The following LMCD1 variants were observed in gnomAD, a reference collection of about 807,000 sequenced individuals.
The protein encoded by LMCD1 is LIM and cysteine rich domains 1.
In LMCD1, 32 loss-of-function variants were observed where a neutral mutation model predicts 42.7. That is an observed-to-expected ratio of 0.75 (90% CI 0.57 to 1.01). The LOEUF (loss-of-function observed/expected upper bound fraction) is 1.01. LMCD1 is among the 50% of genes least tolerant of loss of function. The pLI is 0.00. For synonymous variants in LMCD1, 178 were observed against 184.9 expected (o/e 0.96, Z 0.30); for missense variants, 458 against 483.1 (o/e 0.95, Z 0.49).
chr3:8,570,017 G>A lies in LMCD1; in HGVS notation c.*2419G>A. ...AAAAGGATAGGTTGCCTCTAAGTTG[G>A]CAAAGAGAGGAAGGACAATGGTTAA... On this transcript the variant is annotated 3_prime_UTR_variant, in exon 6 of 6. Transcript: ENST00000157600. 1 of 157,000 alleles carries A rather than the reference G, an allele frequency of 6.4e-6. No homozygotes were observed. Among genetic ancestry groups the A allele is most frequent in the Non-Finnish European group, 1.4e-5 (1 of 72,322 alleles). The allele number at this position is 157,000 out of a possible 1,614,324, so 9.7% of individuals were successfully genotyped here.
chr3:8,548,550 C>G lies in LMCD1; in HGVS notation c.388-18C>G. On this transcript the variant is annotated intron_variant, in intron 3 of 5. Transcript: ENST00000157600. ...CCCCATCCACATCATGTTGTCTCTT[C>G]CTCCTCCTCCTCCCTAGGGACTGCA... The G allele has an allele frequency of 5.2e-6, 8 of 1,532,644 alleles. No individual in the cohort carries two copies. Among genetic ancestry groups the G allele is most frequent in the Non-Finnish European group, 7.1e-6 (8 of 1,124,150 alleles). 94.9% of individuals were successfully genotyped at this position (1,532,644 alleles called of 1,614,324 possible).
At chr3:8,529,041 C>A (rs556889275) in intron 1 of LMCD1, among the ~76,000 whole-genome samples, 11 of 152,146 alleles carry the variant, frequency 7.2e-5, no homozygotes, top group Non-Finnish European at 1.3e-4. Flanking sequence ...GTGATGGTTT[C>A]TTTTAAACTC....
At chr3:8,540,330 T>A (rs1290244072) in intron 3 of LMCD1, among the ~76,000 whole-genome samples, 4 of 152,144 alleles carry the variant, frequency 2.6e-5, no homozygotes, top group African/African-American at 9.7e-5. Flanking sequence ...TTGTGGATAT[T>A]TGTTAAGTAT....
At chr3:8,538,900 G>T (rs1270145953) in intron 3 of LMCD1, among the ~76,000 whole-genome samples, 1 of 152,326 alleles carries the variant, frequency 6.6e-6, no homozygotes, top group South Asian at 2.1e-4. Flanking sequence ...GGCCAGAGAT[G>T]CTCTAAGTGT....
chr3:8,548,916 C>T lies in LMCD1; in HGVS notation c.723+13C>T. 6.7e-7 allele frequency: 1 copy of T among 1,491,422 alleles called. No individual in the cohort carries two copies. The highest frequency in any genetic ancestry group is 1.4e-5 in the South Asian group (1 of 71,122). The allele number at this position is 1,491,422 out of a possible 1,614,324, so 92.4% of individuals were successfully genotyped here. ...AGAAGTGGAATACGTAAGTTTCTCCCATGCTTCCAGCCAGGCTGAAACCAT... is the reference window on the plus strand; with the variant it reads ...AGAAGTGGAATACGTAAGTTTCTCCTATGCTTCCAGCCAGGCTGAAACCAT... On this transcript the variant is annotated intron_variant, in intron 4 of 5. Transcript: ENST00000157600.
intron 1 of LMCD1, among the ~76,000 whole-genome samples, chr3:8,521,633 A>G (rs1694207620): frequency 6.6e-6 from 1 of 152,176 alleles, no homozygotes; most frequent in African/African-American, 2.4e-5. Context: ...CTCTTTGTCT[A>G]TTTTTGATGG....
chr3:8,542,945 A>G (rs566975274), intron 3 of LMCD1, among the ~76,000 whole-genome samples: 5 of 152,320 alleles, frequency 3.3e-5, no homozygotes, highest in African/African-American at 4.8e-5. Context: ...CATCTCTTCA[A>G]CTGCTGAACA....
Position 8,548,662 on chromosome 3 carries a change from T to C in LMCD1, c.482T>C (p.Leu161Pro), listed in dbSNP as rs1192293695. ...FYRRRQLMHQ[L>P]PIYDQDPSRC... ...CGCCGCCGCCAGCTCATGCACCAGC[T>C]CCCCATCTATGACCAGGATCCCTCG... The change falls in exon 4 of 6, where the codon CTC becomes CCC. Residue 161 changes from leucine to proline, a missense_variant. By Grantham distance (98) the Leu-to-Pro change is moderately conservative. Transcript: ENST00000157600. 1.9e-6 allele frequency: 3 copies of C among 1,614,032 alleles called. No individual in the cohort carries two copies. Among genetic ancestry groups the C allele is most frequent in the Non-Finnish European group, 1.7e-6 (2 of 1,180,050 alleles).
At chr3:8,522,565 T>A (rs191210217) in intron 1 of LMCD1, among the ~76,000 whole-genome samples, 1 of 152,300 alleles carries the variant, frequency 6.6e-6, no homozygotes, top group East Asian at 1.9e-4. Context: ...CTACCATGCT[T>A]CACTCCAGCC....
intron 3 of LMCD1, among the ~76,000 whole-genome samples, chr3:8,541,426 G>A (rs1694624682): frequency 1.3e-5 from 2 of 152,196 alleles, no homozygotes; most frequent in East Asian, 3.9e-4. Flanking sequence ...GCAGGCGCCT[G>A]TAATCCCAGC....
rs541599385 is a variant in LMCD1 at position 8,556,534 on chromosome 3, GTT to G, written c.723+7632_723+7633del. Among the ~76,000 whole-genome samples, 8 of 152,284 alleles carry G rather than the reference GTT, an allele frequency of 5.3e-5. No individual in the cohort carries two copies. In the South Asian group the frequency reaches 1.7e-3, roughly 32 times the overall value. ...TGTCTAGTCACCTAGATGGTGAGTA[GTT>G]AATCCAGAACTAGGATCCAGACCTG... On this transcript the variant is annotated intron_variant, in intron 4 of 5. Transcript: ENST00000157600.
chr3:8,512,681 T>A (rs889082244), intron 1 of LMCD1, among the ~76,000 whole-genome samples: 8 of 152,234 alleles, frequency 5.3e-5, no homozygotes, highest in African/African-American at 1.9e-4. Flanking sequence ...CACATTTCCA[T>A]GAGCCCAGCC....
At chr3:8,565,733 G>A (rs1417618479) in intron 5 of LMCD1, 86 bp downstream of exon 5, 2 of 1,240,792 alleles carry the variant, frequency 1.6e-6, no homozygotes, top group African/African-American at 1.5e-5. Flanking sequence ...GCATGGCTTT[G>A]TGGATGATGT....
intron 4 of LMCD1, among the ~76,000 whole-genome samples, chr3:8,555,505 C>T (rs143925449): frequency 2.6e-4 from 39 of 152,324 alleles, no homozygotes; most frequent in African/African-American, 9.4e-4. Context: ...CCACCCCTGG[C>T]TCAGGCACCA....
intron 1 of LMCD1, among the ~76,000 whole-genome samples, chr3:8,502,561 T>A (rs1035006542): frequency 8.9e-6 from 1 of 112,080 alleles, no homozygotes; most frequent in African/African-American, 3.6e-5. Context: ...TTTGTGTGTT[T>A]CCCCCAATAC....
chr3:8,531,047 G>A (rs1338461554), intron 1 of LMCD1, among the ~76,000 whole-genome samples: 2 of 152,212 alleles, frequency 1.3e-5, no homozygotes, highest in Non-Finnish European at 2.9e-5. Context: ...ATGGAGTGAG[G>A]CATTATTGTG....
chr3:8,573,236 A>C lies in LMCD1; in HGVS notation c.*5638A>C, dbSNP rs1424031233. ...AATTACACATTTCTGAAGCCATTAC[A>C]CTTCCTAGTTTATTTGGATTTAAGT... On this transcript the variant is annotated 3_prime_UTR_variant, in exon 6 of 6. Coordinates refer to ENST00000157600, the MANE Select transcript of LMCD1 (RefSeq NM_014583.4). 1 of 152,152 alleles carries C rather than the reference A, an allele frequency of 6.6e-6. No homozygotes were observed. The highest frequency in any genetic ancestry group is 1.5e-5 in the Non-Finnish European group (1 of 68,038). The allele number at this position is 152,152 out of a possible 1,614,324, so 9.4% of individuals were successfully genotyped here. A position where few individuals can be genotyped will look rare whatever the true frequency, so the allele number is the denominator to read the frequency against.
rs552865767 is a variant in LMCD1, at chr3:8,514,657, A to G, written c.42+12677A>G. On this transcript the variant is annotated intron_variant, in intron 1 of 5. Transcript: ENST00000157600. ...TGAATAAACCAATCATTTTATATTT[A>G]TACAACAGAATATTACTTAGTAACA... is the stretch of plus-strand genomic sequence containing the variant. 4.6e-5 allele frequency among the ~76,000 whole-genome samples: 7 copies of G among 152,356 alleles called. No individual in the cohort carries two copies. In the East Asian group the frequency reaches 9.6e-4, roughly 21 times the overall value.
intron 1 of LMCD1, among the ~76,000 whole-genome samples, chr3:8,515,151 G>T (rs1413277519): frequency 6.6e-6 from 1 of 152,208 alleles, no homozygotes; most frequent in East Asian, 1.9e-4. Context: ...CGTTAGGGGA[G>T]AACTTTGTCT....
Sources: allele counts gnomAD v4.1 joint callset (sites outside exome capture counted in the v4.1 genomes callset), GRCh38; gene constraint gnomAD v4.1.1; transcripts MANE v1.5; gene names NCBI Gene and HGNC (gene_info 2026-07-23, HGNC 2026-07-21).